Variants in IMMT observed in about 807,000 individuals in gnomAD.
IMMT encodes the protein inner membrane mitochondrial protein.
Under a neutral mutation model 92.7 loss-of-function variants are expected in IMMT, and 40 were observed. That is an observed-to-expected ratio of 0.43 (90% CI 0.34 to 0.56). The LOEUF is 0.56. Ranked by LOEUF, IMMT falls within the 20% of genes least tolerant of loss-of-function variation. The pLI is 0.03. For synonymous variants in IMMT, 322 were observed against 336.1 expected (o/e 0.96, Z 0.46); for missense variants, 831 against 912.1 (o/e 0.91, Z 1.14).
At chr2:86,151,647 A>G in intron 11 of IMMT, 127 bp from the exon 12 acceptor site, 2 of 703,078 alleles carry the variant, frequency 2.8e-6, no homozygotes, top group Non-Finnish European at 4.8e-6. Context: ...TAACATGAAA[A>G]GAGATTTAGA....
intron 1 of IMMT, among the ~76,000 whole-genome samples, chr2:86,187,739 C>T (rs964774862): frequency 4.0e-5 from 6 of 151,876 alleles, no homozygotes; most frequent in African/African-American, 1.2e-4. Flanking sequence ...GGAGAAGCCC[C>T]GCGTCTCCAG....
intron 1 of IMMT, among the ~76,000 whole-genome samples, chr2:86,192,794 A>AT (rs1445357848): frequency 6.6e-6 from 1 of 152,154 alleles, no homozygotes; most frequent in African/African-American, 2.4e-5. Flanking sequence ...ACTGAAGGGA[A>AT]TAAGTTAAGC....
At chr2:86,162,532 T>A (rs1040541489) in intron 7 of IMMT, among the ~76,000 whole-genome samples, 7 of 151,344 alleles carry the variant, frequency 4.6e-5, no homozygotes, top group African/African-American at 1.7e-4. Flanking sequence ...TCTTACGGTA[T>A]GTGAAATGTG....
intron 13 of IMMT, among the ~76,000 whole-genome samples, chr2:86,146,661 C>T (rs1362782432): frequency 3.3e-5 from 5 of 152,124 alleles, no homozygotes; most frequent in Non-Finnish European, 7.4e-5. Context: ...CCGTGCCCGG[C>T]CGATGTATAT....
intron 7 of IMMT, among the ~76,000 whole-genome samples, chr2:86,164,689 CAA>C (rs56964046): frequency 8.1e-5 from 9 of 111,404 alleles, no homozygotes; most frequent in Non-Finnish European, 9.0e-5. Context: ...GACTCTGTCT[CAA>C]AAAAAAAAAA....
rs59649940 is a variant in IMMT at position 86,173,668 on chromosome 2, T to C, written c.403A>G (p.Thr135Ala). ...ASQLQKQKGD[T>A]PASATAPTEA... ...TAAGTACCTGTTGCTGAAGCTGGAG[T>C]ATCTCCCTTTTGTTTTTGGAGTTGT... The change falls in exon 4 of 15, where the codon ACT becomes GCT. Residue 135 changes from threonine to alanine, a missense_variant. Physicochemically the swap from Thr to Ala is moderately conservative, Grantham distance 58. Transcript: ENST00000410111. The C allele has an allele frequency of 7.0e-3, 11,052 of 1,580,206 alleles. 485 individuals are homozygous for C. The East Asian group carries it at 0.13, about 19-fold the overall frequency.
chr2:86,190,034 A>C (rs1023966279), intron 1 of IMMT, among the ~76,000 whole-genome samples: 1 of 152,236 alleles, frequency 6.6e-6, no homozygotes, highest in African/African-American at 2.4e-5. Context: ...TTTTCCCTGC[A>C]CATATGTGAA....
At chr2:86,180,527 A>G (rs1307465390) in intron 2 of IMMT, among the ~76,000 whole-genome samples, 7 of 151,020 alleles carry the variant, frequency 4.6e-5, no homozygotes, top group Admixed American at 4.6e-4. Flanking sequence ...CGGCCTCCCA[A>G]AGTGCTCGGA....
chr2:86,144,102 A>G lies in IMMT; in HGVS notation c.*166T>C. 1 of 750,426 alleles carries G rather than the reference A, an allele frequency of 1.3e-6. No homozygotes were observed. The highest frequency in any genetic ancestry group is 2.1e-6 in the Non-Finnish European group (1 of 472,994). The allele number at this position is 750,426 out of a possible 1,614,324, so 46.5% of individuals were successfully genotyped here. A position where few individuals can be genotyped will look rare whatever the true frequency, so the allele number is the denominator to read the frequency against. ...AGCACTCCTGGCGTTCACTGACATG[A>G]TAGCAAATGGAAAGAATATAAATGC... On this transcript the variant is annotated 3_prime_UTR_variant, in exon 15 of 15. Transcript: ENST00000410111.
intron 4 of IMMT, among the ~76,000 whole-genome samples, chr2:86,172,229 C>CA (rs1206578908): frequency 1.3e-5 from 2 of 151,992 alleles, no homozygotes; most frequent in African/African-American, 2.4e-5. Context: ...CTCGGCCTCC[C>CA]AAAGTGCTGG....
chr2:86,144,364 T>G lies in IMMT; in HGVS notation c.2181A>C (p.Glu727Asp). 1 of 1,614,016 alleles carries G rather than the reference T, an allele frequency of 6.2e-7. No individual in the cohort carries two copies. Among genetic ancestry groups the G allele is most frequent in the Non-Finnish European group, 8.5e-7 (1 of 1,179,894 alleles). Residue 727 changes from glutamate to aspartate, a missense_variant, in exon 15 of 15, where the codon GAA (glutamate) becomes GAC (aspartate). Transcript: ENST00000410111. ...GTTTCGTTTCTAGGGTCATTCGGGC[T>G]TCCTTCAGCCAGTCCTGTGCCACTC... ...SRRVAQDWLK[E>D]ARMTLETKQI...
At position 86,151,371 on chromosome 2, in the gene IMMT, GCTTTT is replaced by G; in HGVS notation, c.1322_1326del (p.Glu441AlafsTer4). 1 of 1,613,880 alleles carries G rather than the reference GCTTTT, an allele frequency of 6.2e-7. No homozygotes were observed. Among genetic ancestry groups the G allele is most frequent in the East Asian group, 2.2e-5 (1 of 44,886 alleles). On this transcript the variant is annotated frameshift_variant, in exon 12 of 15. Coordinates refer to ENST00000410111, the MANE Select transcript of IMMT (RefSeq NM_006839.3). LOFTEE classifies it high-confidence loss of function. ...TTTGCTACTGCAGAGTCAAATGCCC[GCTTTT>G]CTTCCAGCTTTTGTTTCTCCAAGGC...
In IMMT at chr2:86,151,422, C is replaced by CA; in HGVS notation, c.1275_1276insT (p.Glu426Ter). The CA allele has an allele frequency of 6.2e-7, 1 of 1,613,968 alleles. No individual in the cohort carries two copies. Among genetic ancestry groups the CA allele is most frequent in the East Asian group, 2.2e-5 (1 of 44,882 alleles). ...AAGGCTAACGTGATGTGCTGCTTTT[C>CA]GGTGGCCTTCTGTTCTGCCAGCTCT... is the stretch of plus-strand genomic sequence containing the variant. On this transcript the variant is annotated frameshift_variant, in exon 12 of 15. Coordinates refer to ENST00000410111, the MANE Select transcript of IMMT (RefSeq NM_006839.3). LOFTEE classifies it high-confidence loss of function.
rs551517818 is a variant in IMMT, at chr2:86,147,486, T to TA, written c.1533+215dup. On this transcript the variant is annotated intron_variant, in intron 13 of 14. Transcript: ENST00000410111. ...TGAAATCCCCTTTACCAACTCTCCT[T>TA]AAAGCTCTGAAGATTCCAAATGACT... Among the ~76,000 whole-genome samples, 38 of 152,308 alleles carry TA rather than the reference T, an allele frequency of 2.5e-4. 1 individual carries two copies. Among genetic ancestry groups the TA allele is most frequent in the African/African-American group, 9.1e-4 (38 of 41,562 alleles).
chr2:86,151,037 C>T (rs1463272960), intron 12 of IMMT, among the ~76,000 whole-genome samples: 3 of 152,018 alleles, frequency 2.0e-5, no homozygotes, highest in Non-Finnish European at 4.4e-5. Context: ...CTGCCTCAGC[C>T]TTCCGAGTAG....
At chr2:86,160,532 T>C (rs1357166119) in intron 8 of IMMT, among the ~76,000 whole-genome samples, 9 of 152,226 alleles carry the variant, frequency 5.9e-5, no homozygotes, top group Non-Finnish European at 1.3e-4. Flanking sequence ...GCATAATGCC[T>C]TAAATCTCCT....
intron 6 of IMMT, 34 bp downstream of exon 6, chr2:86,170,715 C>T (rs766976567): frequency 1.4e-6 from 2 of 1,437,310 alleles, no homozygotes; most frequent in East Asian, 2.4e-5. Context: ...GGGAGATGAC[C>T]CAAAATCCTT....
chr2:86,166,689 T>C, intron 6 of IMMT, 45 bp from the exon 7 acceptor site: 1 of 1,518,490 alleles, frequency 6.6e-7, no homozygotes, highest in Non-Finnish European at 8.8e-7. Context: ...CCTACCCCCA[T>C]AAATGACTTT....
chr2:86,151,480 A>G lies in IMMT; in HGVS notation c.1218T>C (p.Ala406=). The G allele has an allele frequency of 6.2e-7, 1 of 1,614,034 alleles. No homozygotes were observed. The highest frequency in any genetic ancestry group is 8.5e-7 in the Non-Finnish European group (1 of 1,179,888). ...LSTDDLNSLI[A]HAHRRIDQLN... is the part of the protein sequence containing the mutation. ...GCTGATCAATACGACGATGTGCATG[A>G]GCAATGAGGGAGTTCAGATCATCAG... Residue 406 remains alanine, a synonymous_variant, in exon 12 of 15, where the codon GCT becomes GCC. Coordinates refer to ENST00000410111, the MANE Select transcript of IMMT (RefSeq NM_006839.3).
Sources: allele counts gnomAD v4.1 joint callset (sites outside exome capture counted in the v4.1 genomes callset), GRCh38; gene constraint gnomAD v4.1.1; transcripts MANE v1.5; gene names NCBI Gene and HGNC (gene_info 2026-07-23, HGNC 2026-07-21).